HCK: variants seen among roughly 807,000 people sequenced by gnomAD.
The protein encoded by HCK is HCK proto-oncogene, Src family tyrosine kinase, also known as tyrosine-protein kinase HCK.
In HCK, 40 loss-of-function variants were observed where a neutral mutation model predicts 70.4. The observed-to-expected ratio is 0.57, with a 90% CI of 0.44 to 0.74. HCK has a LOEUF of 0.74. HCK is among the 30% of genes least tolerant of loss of function. The probability of loss-of-function intolerance (pLI) is 0.00; values close to 1 mark genes in which losing one functional copy is unlikely to be tolerated. For missense variants in HCK, 568 were observed against 697.2 expected, an observed-to-expected ratio of 0.81 and a Z score of 2.09; for synonymous variants, 245 against 263.2, an observed-to-expected ratio of 0.93 and a Z score of 0.67.
At chr20:32,091,299 A>G (rs964499302) in intron 10 of HCK, among the ~76,000 whole-genome samples, 1 of 152,228 alleles carries the variant, frequency 6.6e-6, no homozygotes, top group Non-Finnish European at 1.5e-5. Context: ...GCCAAGTAAC[A>G]GGTAAGTGCG....
rs185981301 is a variant in HCK, at chr20:32,074,734, T to C, written c.428+13T>C. The C allele has an allele frequency of 1.2e-3, 1,932 of 1,590,732 alleles. 5 individuals carry two copies. Among genetic ancestry groups the C allele is most frequent in the Non-Finnish European group, 1.2e-3 (1,371 of 1,158,758 alleles). On this transcript the variant is annotated intron_variant, in intron 5 of 12. Transcript: ENST00000375852. ...TGGAGACAGAGGAGTAAGTATCCTATTTCCTACCTTCCAGAAAGAGGCATG... is the reference window on the plus strand; with the variant it reads ...TGGAGACAGAGGAGTAAGTATCCTACTTCCTACCTTCCAGAAAGAGGCATG...
Position 32,054,772 on chromosome 20 carries a change from C to T in HCK, c.62+2286C>T, listed in dbSNP as rs916825159. On this transcript the variant is annotated intron_variant, in intron 1 of 12. Coordinates refer to ENST00000375852, the MANE Select transcript of HCK (RefSeq NM_002110.5). ...AGTGAGCCGAGATCGTGCCACTGCA[C>T]TCTAGCCTGGGCCACAGAGCGAGAC... Among the ~76,000 whole-genome samples the T allele has an allele frequency of 5.3e-5, 8 of 152,330 alleles. 1 individual carries two copies. In the East Asian group the frequency reaches 1.3e-3, roughly 26 times the overall value.
intron 8 of HCK, 132 bp from the exon 9 acceptor site, chr20:32,086,496 G>A (rs1040535712): frequency 2.3e-5 from 17 of 725,330 alleles, no homozygotes; most frequent in African/African-American, 1.6e-4. Flanking sequence ...CCATGATTTC[G>A]CTTCCCTCTC....
At chr20:32,070,367 A>G (rs1259538018) in intron 1 of HCK, among the ~76,000 whole-genome samples, 4 of 152,172 alleles carry the variant, frequency 2.6e-5, no homozygotes, top group African/African-American at 9.7e-5. Flanking sequence ...GCCCTACAGG[A>G]TATGGTGGCC....
chr20:32,094,756 A>AGAAG (rs1460643003), intron 11 of HCK, among the ~76,000 whole-genome samples: 11 of 126,144 alleles, frequency 8.7e-5, no homozygotes, highest in Admixed American at 2.4e-4. Flanking sequence ...AAAGAAAGAA[A>AGAAG]GAAAGAAGGA....
chr20:32,060,332 T>C (rs2045349985), intron 1 of HCK, among the ~76,000 whole-genome samples: 1 of 152,220 alleles, frequency 6.6e-6, no homozygotes, highest in East Asian at 1.9e-4. Context: ...GCAATTCTCC[T>C]GCCTTAGCCT....
At chr20:32,068,335 TA>T (rs1296018987) in intron 1 of HCK, among the ~76,000 whole-genome samples, 3 of 147,484 alleles carry the variant, frequency 2.0e-5, no homozygotes, top group African/African-American at 7.5e-5. Context: ...TAAAAAAAAA[TA>T]AAAACTAAAA....
intron 9 of HCK, among the ~76,000 whole-genome samples, chr20:32,087,616 A>G (rs1409822805): frequency 6.6e-6 from 1 of 151,514 alleles, no homozygotes; most frequent in African/African-American, 2.4e-5. Flanking sequence ...ACAGGCATGC[A>G]CTACCACACC....
intron 1 of HCK, among the ~76,000 whole-genome samples, chr20:32,054,784 C>T (rs1373983310): frequency 1.3e-5 from 2 of 152,182 alleles, no homozygotes; most frequent in Admixed American, 1.3e-4. Flanking sequence ...CTAGCCTGGG[C>T]CACAGAGCGA....
chr20:32,086,860 C>T (rs976130199), intron 9 of HCK, 53 bp downstream of exon 9: 30 of 1,469,228 alleles, frequency 2.0e-5, no homozygotes, highest in East Asian at 2.5e-5. Flanking sequence ...TGGTCAATTG[C>T]GGGCCCAAGG....
chr20:32,052,508 C>A, intron 1 of HCK, 22 bp downstream of exon 1: 1 of 1,259,784 alleles, frequency 7.9e-7, no homozygotes, highest in Non-Finnish European at 1.0e-6. Context: ...GCACAGGGGA[C>A]CGGGAATACC....
intron 1 of HCK, among the ~76,000 whole-genome samples, chr20:32,057,508 G>C (rs1273203596): frequency 1.3e-5 from 2 of 152,178 alleles, no homozygotes; most frequent in African/African-American, 2.4e-5. Context: ...GCTGAGGTGG[G>C]AGGATCGTCT....
intron 10 of HCK, among the ~76,000 whole-genome samples, chr20:32,092,594 G>A (rs190989184): frequency 4.3e-4 from 65 of 152,120 alleles, no homozygotes; most frequent in Non-Finnish European, 8.7e-4. Context: ...GCTCCTGCTC[G>A]AAGGCCTCTA....
intron 9 of HCK, among the ~76,000 whole-genome samples, chr20:32,087,643 A>G (rs1007563615): frequency 1.3e-5 from 2 of 150,548 alleles, no homozygotes; most frequent in African/African-American, 4.9e-5. Flanking sequence ...ATTTCTAAAA[A>G]AATTTTTTTT....
intron 8 of HCK, 87 bp downstream of exon 8, chr20:32,084,630 C>T (rs938926490): frequency 2.7e-5 from 34 of 1,255,302 alleles, no homozygotes; most frequent in African/African-American, 2.7e-4. Context: ...TATGGCAAAG[C>T]GGGAATGCTA....
At chr20:32,072,563 TAAAAAAAAAAAAAA>T (rs199684278) in intron 2 of HCK, 2 of 63,216 alleles carry the variant, frequency 3.2e-5, no homozygotes, top group African/African-American at 1.4e-4. Flanking sequence ...CCTGTCTCTT[TAAAAAAAAAAAAAA>T]AAAAAAAAAA....
chr20:32,067,655 T>C (rs556182991), intron 1 of HCK, among the ~76,000 whole-genome samples: 1 of 151,530 alleles, frequency 6.6e-6, no homozygotes, highest in Admixed American at 6.6e-5. Context: ...TCCTACTGTG[T>C]GCCAGGAGAC....
chr20:32,098,868 G>A, intron 11 of HCK, 136 bp from the exon 12 acceptor site: 1 of 905,016 alleles, frequency 1.1e-6, no homozygotes, highest in South Asian at 1.6e-5. Context: ...CCACAGGGAG[G>A]CCACGTATCA....
At chr20:32,070,265 C>T (rs368573899) in intron 1 of HCK, among the ~76,000 whole-genome samples, 6 of 152,246 alleles carry the variant, frequency 3.9e-5, no homozygotes, top group African/African-American at 1.2e-4. Flanking sequence ...ACTCAGCCAC[C>T]GGTGGGATTA....
Sources: allele counts gnomAD v4.1 joint callset (sites outside exome capture counted in the v4.1 genomes callset), GRCh38; gene constraint gnomAD v4.1.1; transcripts MANE v1.5; gene names NCBI Gene and HGNC (gene_info 2026-07-23, HGNC 2026-07-21).